RBFOX1: variants seen among roughly 807,000 people sequenced by gnomAD.
RBFOX1 encodes RNA binding protein fox-1 homolog 1.
RBFOX1 carries 8 observed loss-of-function variants against 57.7 expected under a neutral mutation model. That is an observed-to-expected ratio of 0.14 (90% CI 0.08 to 0.25). The LOEUF is 0.25. Among genes scored for constraint, RBFOX1 ranks in the 10% least tolerant of loss-of-function variants. The pLI, the probability that RBFOX1 is intolerant of heterozygous loss-of-function variation, is 1.00. For synonymous variants in RBFOX1, 326 were observed against 222.4 expected (o/e 1.47, Z -4.15); for missense variants, 611 against 548.5 (o/e 1.11, Z -1.14).
chr16:7,043,551 A>C (rs1424902426), intron 3 of RBFOX1, among the ~76,000 whole-genome samples: 3 of 152,220 alleles, frequency 2.0e-5, no homozygotes, highest in Non-Finnish European at 4.4e-5. Context: ...ATGATTACAA[A>C]AACAGCAACG....
chr16:6,864,516 T>G (rs1250233915), intron 3 of RBFOX1, among the ~76,000 whole-genome samples: 1 of 151,114 alleles, frequency 6.6e-6, no homozygotes, highest in East Asian at 1.9e-4. Flanking sequence ...ATTAAAAATT[T>G]AGTTTTAAAC....
chr16:5,944,536 C>G (rs910929993), intron 4 of RBFOX1, among the ~76,000 whole-genome samples: 2 of 151,972 alleles, frequency 1.3e-5, no homozygotes, highest in Non-Finnish European at 2.9e-5. Context: ...GGCTGCAAAT[C>G]CCGAGTTGGT....
chr16:7,337,895 G>A (rs2096823593), intron 4 of RBFOX1, among the ~76,000 whole-genome samples: 1 of 152,188 alleles, frequency 6.6e-6, no homozygotes, highest in African/African-American at 2.4e-5. Flanking sequence ...ATGTTGGTTA[G>A]GCTCATCTTG....
At chr16:5,625,523 T>C (rs985671243) in intron 3 of RBFOX1, among the ~76,000 whole-genome samples, 10 of 142,686 alleles carry the variant, frequency 7.0e-5, no homozygotes, top group East Asian at 2.1e-4. Flanking sequence ...ATTTACTCTT[T>C]TAATATTTTT....
At chr16:7,479,905 C>A (rs778442412) in intron 4 of RBFOX1, among the ~76,000 whole-genome samples, 1 of 152,238 alleles carries the variant, frequency 6.6e-6, no homozygotes, top group Admixed American at 6.5e-5. Flanking sequence ...TCGGAGATTT[C>A]CCCCTTCCCA....
chr16:6,169,872 C>G (rs761237441), intron 1 of RBFOX1, among the ~76,000 whole-genome samples: 5 of 152,198 alleles, frequency 3.3e-5, no homozygotes, highest in African/African-American at 7.2e-5. Context: ...TCAAGTGATT[C>G]TCTGGCCTCA....
intron 1 of RBFOX1, among the ~76,000 whole-genome samples, chr16:6,062,301 C>T (rs1442510931): frequency 6.6e-6 from 1 of 152,000 alleles, no homozygotes; most frequent in African/African-American, 2.4e-5. Flanking sequence ...GCCCCCCTGC[C>T]CTCTCAAGAG....
chr16:7,614,666 C>T (rs889027133), intron 10 of RBFOX1: 1 of 152,080 alleles, frequency 6.6e-6, no homozygotes, highest in Non-Finnish European at 1.5e-5. Flanking sequence ...TTTGGATATC[C>T]GACTCTGGAA....
chr16:6,900,110 G>T (rs1295977620), intron 3 of RBFOX1, among the ~76,000 whole-genome samples: 1 of 152,024 alleles, frequency 6.6e-6, no homozygotes, highest in African/African-American at 2.4e-5. Flanking sequence ...ATGAAACAAA[G>T]GTTTATTTGA....
intron 2 of RBFOX1, among the ~76,000 whole-genome samples, chr16:6,513,567 C>T (rs183029556): frequency 1.3e-5 from 2 of 152,198 alleles, no homozygotes; most frequent in African/African-American, 4.8e-5. Flanking sequence ...AAACCTGTCT[C>T]TACTAAAAAT....
intron 2 of RBFOX1, among the ~76,000 whole-genome samples, chr16:6,365,327 G>T (rs1416655948): frequency 6.6e-6 from 1 of 151,128 alleles, no homozygotes; most frequent in Non-Finnish European, 1.5e-5. Flanking sequence ...TGGGTGGATG[G>T]GTGGGTGGAT....
chr16:5,955,479 C>T (rs957902589), intron 4 of RBFOX1, among the ~76,000 whole-genome samples: 1 of 151,910 alleles, frequency 6.6e-6, no homozygotes, highest in East Asian at 1.9e-4. Context: ...GGAAACCAGG[C>T]AAGACATAGG....
At chr16:7,094,113 A>C (rs1474393863) in intron 4 of RBFOX1, among the ~76,000 whole-genome samples, 1 of 151,076 alleles carries the variant, frequency 6.6e-6, no homozygotes, top group Non-Finnish European at 1.5e-5. Context: ...TTCATTTTAC[A>C]TTTTGAGTGG....
At chr16:5,861,365 G>C (rs1048952903) in intron 3 of RBFOX1, among the ~76,000 whole-genome samples, 2 of 152,150 alleles carry the variant, frequency 1.3e-5, no homozygotes, top group African/African-American at 4.8e-5. Context: ...TCTGGGTGTG[G>C]TCTCTAAAAA....
At chr16:6,683,833 G>A (rs117741859) in intron 3 of RBFOX1, among the ~76,000 whole-genome samples, 1 of 152,246 alleles carries the variant, frequency 6.6e-6, no homozygotes, top group Non-Finnish European at 1.5e-5. Context: ...CTCTTCATGG[G>A]TTTTGTAACT....
At chr16:5,983,489 G>C (rs1312003330) in intron 4 of RBFOX1, among the ~76,000 whole-genome samples, 1 of 152,210 alleles carries the variant, frequency 6.6e-6, no homozygotes, top group Non-Finnish European at 1.5e-5. Flanking sequence ...CCAGTGAAGA[G>C]AGGGGTACGG....
In RBFOX1 at chr16:5,816,812, G is replaced by T. The variant is rs555319500; in HGVS notation, c.319-50491G>T. On this transcript the variant is annotated intron_variant, in intron 3 of 19. Coordinates refer to the RBFOX1 transcript ENST00000641259. ...AAGAAATTATATAGCCCTAGATCTA[G>T]GCTGAAAAAGATGCTATTCTGTCCT... Among the ~76,000 whole-genome samples, 10 of 152,148 alleles carry T rather than the reference G, an allele frequency of 6.6e-5. No homozygotes were observed. In the South Asian group the frequency reaches 1.7e-3, roughly 25 times the overall value.
chr16:7,385,663 T>G (rs951413288), intron 4 of RBFOX1, among the ~76,000 whole-genome samples: 31 of 152,138 alleles, frequency 2.0e-4, no homozygotes, highest in African/African-American at 7.2e-4. Context: ...TGGTTTTGAT[T>G]TCTACACAGG....
chr16:6,696,534 A>C (rs2061076242), intron 3 of RBFOX1, among the ~76,000 whole-genome samples: 2 of 152,360 alleles, frequency 1.3e-5, no homozygotes, highest in Non-Finnish European at 2.9e-5. Context: ...GGAGAACTTC[A>C]AATATTTATT....
Sources: allele counts gnomAD v4.1 joint callset (sites outside exome capture counted in the v4.1 genomes callset), GRCh38; gene constraint gnomAD v4.1.1; transcripts MANE v1.5; gene names NCBI Gene and HGNC (gene_info 2026-07-23, HGNC 2026-07-21).